Variants in BRIP1 observed in about 807,000 individuals in gnomAD.
The protein encoded by BRIP1 is BRCA1 interacting DNA helicase 1.
A neutral mutation model predicts 119.7 loss-of-function variants in BRIP1; 88 were observed. The observed-to-expected ratio is 0.74, with a 90% CI of 0.62 to 0.88. BRIP1 has a LOEUF of 0.88. BRIP1 is among the 40% of genes least tolerant of loss of function. The probability of loss-of-function intolerance (pLI) is 0.00; values close to 1 mark genes in which losing one functional copy is unlikely to be tolerated. For missense variants in BRIP1, 1,259 were observed against 1,455.4 expected (o/e 0.87, Z 2.20); for synonymous variants, 443 against 496.5 (o/e 0.89, Z 1.43).
At chr17:61,715,243 T>A (rs2061842686) in intron 17 of BRIP1, among the ~76,000 whole-genome samples, 1 of 151,608 alleles carries the variant, frequency 6.6e-6, no homozygotes, top group Admixed American at 6.6e-5. Context: ...ATTTTTTCTT[T>A]AATTATTAAA....
At position 61,695,145 on chromosome 17, in the gene BRIP1, T is replaced by G. The variant is rs1358930321; in HGVS notation, c.2493-1633A>C. On this transcript the variant is annotated intron_variant, in intron 17 of 19. Coordinates refer to ENST00000259008, the MANE Select transcript of BRIP1 (RefSeq NM_032043.3). The surrounding 1 kb of genome is among the most constrained non-coding windows in gnomAD (Gnocchi z 4.3). ...CTCTGTTTTTGCCTTTTTCTGTCTT[T>G]GATCCACTTTGAGTTAACTTTTGTA... is the stretch of plus-strand genomic sequence containing the variant. Among the ~76,000 whole-genome samples, 1 of 152,106 alleles carries G rather than the reference T, an allele frequency of 6.6e-6. No homozygotes were observed. Among genetic ancestry groups the G allele is most frequent in the Non-Finnish European group, 1.5e-5 (1 of 67,966 alleles).
intron 16 of BRIP1, among the ~76,000 whole-genome samples, chr17:61,737,082 A>C (rs1246116789): frequency 6.6e-6 from 1 of 152,184 alleles, no homozygotes; most frequent in Non-Finnish European, 1.5e-5. Flanking sequence ...CAAAAAATAC[A>C]TATAAAAGGA....
rs1399031898 is a variant in BRIP1 at position 61,755,115 on chromosome 17, A to C, written c.2098-10524T>G. 2.0e-5 allele frequency among the ~76,000 whole-genome samples: 3 copies of C among 152,246 alleles called. No homozygotes were observed. Among genetic ancestry groups the C allele is most frequent in the Non-Finnish European group, 4.4e-5 (3 of 68,042 alleles). ...CTGCTGATTGCCCAGTGCATAGAAC[A>C]GTACCTTACATATAGAAAGTGGTCA... On this transcript the variant is annotated intron_variant, in intron 14 of 19. Coordinates refer to ENST00000259008, the MANE Select transcript of BRIP1 (RefSeq NM_032043.3). The surrounding 1 kb of genome is among the most constrained non-coding windows in gnomAD (Gnocchi z 4.5).
Position 61,759,005 on chromosome 17 carries a change from C to CATAAATAA in BRIP1, c.2098-14422_2098-14415dup, listed in dbSNP as rs59441826. Among the ~76,000 whole-genome samples the CATAAATAA allele has an allele frequency of 0.37, 50,888 of 136,660 alleles. 9,796 individuals carry two copies. The highest frequency in any genetic ancestry group is 0.42 in the Admixed American group (5,546 of 13,274). 89.7% of individuals were successfully genotyped at this position (136,660 alleles called of 152,430 possible). ...CCTGGGTGACAGAGCAAGACCCTGT[C>CATAAATAA]ATAAATAAATAAATAAATAAATAAA... On this transcript the variant is annotated intron_variant, in intron 14 of 19. Coordinates refer to ENST00000259008, the MANE Select transcript of BRIP1 (RefSeq NM_032043.3). The surrounding 1 kb of genome is among the most constrained non-coding windows in gnomAD (Gnocchi z 4.9).
chr17:61,784,597 G>A (rs185030456), intron 10 of BRIP1, among the ~76,000 whole-genome samples, 173 bp from the exon 11 acceptor site: 33 of 152,212 alleles, frequency 2.2e-4, no homozygotes, highest in Admixed American at 5.9e-4. Context: ...TTCATCCCCA[G>A]TAATGGAAGT....
In BRIP1 at chr17:61,735,101, A is replaced by C. The variant is rs1567772725; in HGVS notation, c.2379+7912T>G. Among the ~76,000 whole-genome samples the C allele has an allele frequency of 6.6e-6, 1 of 152,188 alleles. No individual in the cohort carries two copies. The highest frequency in any genetic ancestry group is 1.5e-5 in the Non-Finnish European group (1 of 68,024). The stretch of plus-strand genomic sequence containing the variant: ...TTAGTTTTGGAAGAGCCATCTATGT[A>C]GGTCATTTAGATCATCATCTCTTTT... On this transcript the variant is annotated intron_variant, in intron 16 of 19. Coordinates refer to ENST00000259008, the MANE Select transcript of BRIP1 (RefSeq NM_032043.3). The surrounding 1 kb of genome is among the most constrained non-coding windows in gnomAD (Gnocchi z 4.4).
chr17:61,753,700 C>T lies in BRIP1; in HGVS notation c.2098-9109G>A. 6.6e-6 allele frequency among the ~76,000 whole-genome samples: 1 copy of T among 151,568 alleles called. No individual in the cohort carries two copies. The highest frequency in any genetic ancestry group is 1.5e-5 in the Non-Finnish European group (1 of 67,956). ...CATTGTAGCCTCACATTCCTGGGCT[C>T]AAGCGATCCTCCCACCTCAACCTCT... is the stretch of plus-strand genomic sequence containing the variant. On this transcript the variant is annotated intron_variant, in intron 14 of 19. Transcript: ENST00000259008. The surrounding 1 kb of genome is among the most constrained non-coding windows in gnomAD (Gnocchi z 4.6).
At position 61,831,455 on chromosome 17, in the gene BRIP1, C is replaced by G. The variant is rs1011361037; in HGVS notation, c.627+15646G>C. Among the ~76,000 whole-genome samples the G allele has an allele frequency of 2.0e-5, 3 of 152,182 alleles. No individual in the cohort carries two copies. Among genetic ancestry groups the G allele is most frequent in the Non-Finnish European group, 4.4e-5 (3 of 68,022 alleles). On this transcript the variant is annotated intron_variant, in intron 6 of 19. Transcript: ENST00000259008. This position sits in a 1 kb window ranked among gnomAD's most constrained non-coding sequence, Gnocchi z 4.1. The stretch of plus-strand genomic sequence containing the variant: ...CTACTTCTATAATAGTAATGAATAA[C>G]TGGAAGGAAATTATAAGTGGAATCA...
intron 6 of BRIP1, among the ~76,000 whole-genome samples, chr17:61,818,200 G>C (rs930122724): frequency 5.4e-5 from 8 of 147,866 alleles, no homozygotes; most frequent in Non-Finnish European, 1.0e-4. Flanking sequence ...AAAGGGGGGA[G>C]GGGGGGGAAA....
In BRIP1 at chr17:61,861,774, C is replaced by G. The variant is rs544336034; in HGVS notation, c.-30-205G>C. 2 of 569,978 alleles carry G rather than the reference C, an allele frequency of 3.5e-6. No individual in the cohort carries two copies. The highest frequency in any genetic ancestry group is 3.7e-5 in the African/African-American group (2 of 53,350). 35.3% of individuals were successfully genotyped at this position (569,978 alleles called of 1,614,324 possible). On this transcript the variant is annotated intron_variant, in intron 1 of 19. Transcript: ENST00000259008. The surrounding 1 kb of genome is among the most constrained non-coding windows in gnomAD (Gnocchi z 4.5). ...AGTCTAACAAATCTAGATTTGTATC[C>G]TTCACTCTGCCAGGTATTAGTTGTG...
intron 11 of BRIP1, chr17:61,783,700 A>T (rs2077658749): frequency 6.6e-6 from 1 of 152,086 alleles, no homozygotes; most frequent in South Asian, 2.1e-4. Flanking sequence ...GTAGGAACAT[A>T]AGAAAACTTT....
chr17:61,787,714 G>A (rs2077752866), intron 10 of BRIP1, among the ~76,000 whole-genome samples: 1 of 151,582 alleles, frequency 6.6e-6, no homozygotes, highest in East Asian at 1.9e-4. Context: ...GCGCGATTTC[G>A]GCTCACTGCA....
intron 10 of BRIP1, among the ~76,000 whole-genome samples, chr17:61,787,079 T>C (rs1371391734): frequency 8.7e-6 from 1 of 114,840 alleles, no homozygotes; most frequent in Admixed American, 1.1e-4. Context: ...TATATATAAA[T>C]ATATTGCATG....
In BRIP1 at chr17:61,808,276, C is replaced by G. The variant is rs1256952985; in HGVS notation, c.918+191G>C. The stretch of plus-strand genomic sequence containing the variant: ...AATTAAATATCCCAAGCTTTAAGAC[C>G]AAATCCCATACTTTAAAACTTGACT... On this transcript the variant is annotated intron_variant, in intron 7 of 19. Transcript: ENST00000259008. The surrounding 1 kb of genome is among the most constrained non-coding windows in gnomAD (Gnocchi z 4.1). Among the ~76,000 whole-genome samples, 1 of 152,052 alleles carries G rather than the reference C, an allele frequency of 6.6e-6. No homozygotes were observed.
At position 61,832,216 on chromosome 17, in the gene BRIP1, G is replaced by T. The variant is rs371624919; in HGVS notation, c.627+14885C>A. On this transcript the variant is annotated intron_variant, in intron 6 of 19. Transcript: ENST00000259008. This position sits in a 1 kb window ranked among gnomAD's most constrained non-coding sequence, Gnocchi z 5.5. ...ATAAGGAAGCGTTCCAAGAATGATT[G>T]ATATATGTCAGAAAGACACAAGCAA... 3.8e-4 allele frequency among the ~76,000 whole-genome samples: 58 copies of T among 152,330 alleles called. No homozygotes were observed. The highest frequency in any genetic ancestry group is 1.4e-3 in the African/African-American group (57 of 41,584).
rs2077563175 is a variant in BRIP1 at position 61,778,188 on chromosome 17, T to G, written c.1936-1626A>C. Among the ~76,000 whole-genome samples, 1 of 152,166 alleles carries G rather than the reference T, an allele frequency of 6.6e-6. No homozygotes were observed. The highest frequency in any genetic ancestry group is 2.4e-5 in the African/African-American group (1 of 41,438). ...AACTTTGAAGACATTATCTGCAACA[T>G]GGACAAACCTTGAGGACATTACTAA... is the stretch of plus-strand genomic sequence containing the variant. On this transcript the variant is annotated intron_variant, in intron 13 of 19. Coordinates refer to ENST00000259008, the MANE Select transcript of BRIP1 (RefSeq NM_032043.3). The surrounding 1 kb of genome is among the most constrained non-coding windows in gnomAD (Gnocchi z 4.4).
rs533744144 is a variant in BRIP1 at position 61,762,922 on chromosome 17, T to C, written c.2097+13479A>G. On this transcript the variant is annotated intron_variant, in intron 14 of 19. Coordinates refer to ENST00000259008, the MANE Select transcript of BRIP1 (RefSeq NM_032043.3). The surrounding 1 kb of genome is among the most constrained non-coding windows in gnomAD (Gnocchi z 4.3). ...CAGTTTGCAGAAGAAATATCTACAC[T>C]CCCTCGTTCACTGTAGCATTGTTCA... is the stretch of plus-strand genomic sequence containing the variant. 2.6e-5 allele frequency among the ~76,000 whole-genome samples: 4 copies of C among 152,222 alleles called. No individual in the cohort carries two copies. The highest frequency in any genetic ancestry group is 9.6e-5 in the African/African-American group (4 of 41,552).
chr17:61,724,699 C>A lies in BRIP1; in HGVS notation c.2380-8636G>T, dbSNP rs1256410669. ...ATCAATAGAAGAATATAATTTTTTT[C>A]TTGTATGTAAGCTTGAAGACAAAAG... On this transcript the variant is annotated intron_variant, in intron 16 of 19. Coordinates refer to ENST00000259008, the MANE Select transcript of BRIP1 (RefSeq NM_032043.3). This position sits in a 1 kb window ranked among gnomAD's most constrained non-coding sequence, Gnocchi z 5.1. Among the ~76,000 whole-genome samples, 1 of 152,014 alleles carries A rather than the reference C, an allele frequency of 6.6e-6. No homozygotes were observed. Among genetic ancestry groups the A allele is most frequent in the Non-Finnish European group, 1.5e-5 (1 of 67,952 alleles).
intron 17 of BRIP1, among the ~76,000 whole-genome samples, chr17:61,694,929 CT>C (rs2061500118): frequency 1.3e-5 from 2 of 149,890 alleles, no homozygotes; most frequent in Non-Finnish European, 3.0e-5. Context: ...ATACTAGATC[CT>C]GCTACACATG....
Sources: allele counts gnomAD v4.1 joint callset (sites outside exome capture counted in the v4.1 genomes callset), GRCh38; gene constraint gnomAD v4.1.1; non-coding constraint Gnocchi (gnomAD v3.1); transcripts MANE v1.5; gene names NCBI Gene and HGNC (gene_info 2026-07-23, HGNC 2026-07-21).